Variants in ORAI2 observed in about 807,000 individuals in gnomAD.
The protein encoded by ORAI2 is ORAI calcium release-activated calcium modulator 2.
A neutral mutation model predicts 16.2 loss-of-function variants in ORAI2; 10 were observed. The ratio of observed to expected loss-of-function variants is 0.62; its 90% confidence interval spans 0.38 to 1.04. The LOEUF is 1.04. Ranked by LOEUF, ORAI2 falls within the 50% of genes least tolerant of loss-of-function variation. The pLI is 0.01. For missense variants in ORAI2, 238 were observed against 355.5 expected, an observed-to-expected ratio of 0.67 and a Z score of 2.66; for synonymous variants, 150 against 157.5, an observed-to-expected ratio of 0.95 and a Z score of 0.35.
intron 3 of ORAI2, among the ~76,000 whole-genome samples, chr7:102,444,111 A>G (rs546023705): frequency 6.6e-6 from 1 of 151,866 alleles, no homozygotes; most frequent in South Asian, 2.1e-4. Flanking sequence ...ATATTATTTT[A>G]TTTTATCTTT....
intron 3 of ORAI2, among the ~76,000 whole-genome samples, chr7:102,440,275 C>T (rs1016401981): frequency 2.0e-4 from 30 of 152,098 alleles, no homozygotes; most frequent in South Asian, 4.1e-4. Flanking sequence ...GCGATGCAGA[C>T]GTTCCTGGAA....
chr7:102,441,017 C>T (rs943340773), intron 3 of ORAI2, among the ~76,000 whole-genome samples: 10 of 151,946 alleles, frequency 6.6e-5, no homozygotes, highest in Non-Finnish European at 1.2e-4. Context: ...CTCAGCCTTT[C>T]GAGTAGCTGG....
chr7:102,443,922 G>C (rs1490990766), intron 3 of ORAI2, among the ~76,000 whole-genome samples: 2 of 151,946 alleles, frequency 1.3e-5, no homozygotes, highest in African/African-American at 2.4e-5. Flanking sequence ...GGTCAGGCTG[G>C]TCTCGAACTC....
chr7:102,455,416 C>T lies in ORAI2; in HGVS notation c.*8364C>T, dbSNP rs1262543139. On this transcript the variant is annotated 3_prime_UTR_variant, in exon 4 of 4. Transcript: ENST00000495936. ...CAAACTTAACAGGTAATGGAGTTTC[C>T]TAAAGTGTGCTCTGCAGGAGTGCTG... 1 of 152,188 alleles carries T rather than the reference C, an allele frequency of 6.6e-6. No homozygotes were observed. The highest frequency in any genetic ancestry group is 1.5e-5 in the Non-Finnish European group (1 of 68,050). The allele number at this position is 152,188 out of a possible 1,614,324, so 9.4% of individuals were successfully genotyped here.
intron 1 of ORAI2, 134 bp from the exon 2 acceptor site, chr7:102,436,090 TC>T (rs1797052162): frequency 6.5e-6 from 1 of 154,162 alleles, no homozygotes; most frequent in African/African-American, 2.4e-5. Flanking sequence ...TATACTGCGG[TC>T]ATCAGACCTG....
In ORAI2 at chr7:102,451,028, C is replaced by G. The variant is rs1403784179; in HGVS notation, c.*3976C>G. Reference sequence around the variant, plus strand: ...CCAGCCTGGCCCACATGGTGAAACCCTGTCTCTACTAAAAATACAAAAATT... The same window carrying G: ...CCAGCCTGGCCCACATGGTGAAACCGTGTCTCTACTAAAAATACAAAAATT... On this transcript the variant is annotated 3_prime_UTR_variant, in exon 4 of 4. Transcript: ENST00000495936. 1 of 152,096 alleles carries G rather than the reference C, an allele frequency of 6.6e-6. No individual in the cohort carries two copies. Among genetic ancestry groups the G allele is most frequent in the Non-Finnish European group, 1.5e-5 (1 of 68,042 alleles). The allele number at this position is 152,096 out of a possible 1,614,324, so 9.4% of individuals were successfully genotyped here.
Position 102,439,078 on chromosome 7 carries a change from A to G in ORAI2, c.122A>G (p.Asn41Ser). 1 of 1,613,966 alleles carries G rather than the reference A, an allele frequency of 6.2e-7. No individual in the cohort carries two copies. The highest frequency in any genetic ancestry group is 8.5e-7 in the Non-Finnish European group (1 of 1,180,018). The change falls in exon 3 of 4, where the codon AAC becomes AGC. Residue 41 changes from asparagine to serine, a missense_variant. Transcript: ENST00000495936. ...AGCTACCTGGAACTGGTCACCTCTA[A>G]CCACCACTCGGTACAGGCCCTGTCG... ...RRSYLELVTS[N>S]HHSVQALSWR...
Position 102,446,884 on chromosome 7 carries a change from G to T in ORAI2, c.597G>T (p.Val199=). The T allele has an allele frequency of 6.2e-7, 1 of 1,613,480 alleles. No homozygotes were observed. ...GSHTGWQAAL[V]STIIMVPVGL... is the part of the protein sequence containing the mutation. ...ACACGGGCTGGCAGGCCGCCCTGGT[G>T]TCCACCATCATCATGGTGCCCGTGG... Residue 199 remains valine (V), a synonymous_variant, in exon 4 of 4, where the codon GTG becomes GTT. Coordinates refer to ENST00000495936, the MANE Select transcript of ORAI2 (RefSeq NM_001126340.3).
chr7:102,436,150 GT>G (rs1416658026), intron 1 of ORAI2, 74 bp from the exon 2 acceptor site: 1 of 227,146 alleles, frequency 4.4e-6, no homozygotes, highest in East Asian at 1.8e-4. Context: ...GAAAAATGCA[GT>G]TTCCAAATTA....
In ORAI2 at chr7:102,455,697, G is replaced by A. The variant is rs1797628741; in HGVS notation, c.*8645G>A. ...GCTCCGACCTGACTCACATCTGGAT[G>A]CGCAGTGAGGGGCCCGTTGGGGCCG... On this transcript the variant is annotated 3_prime_UTR_variant, in exon 4 of 4. Transcript: ENST00000495936. 1 of 152,332 alleles carries A rather than the reference G, an allele frequency of 6.6e-6. No homozygotes were observed. Among genetic ancestry groups the A allele is most frequent in the Non-Finnish European group, 1.5e-5 (1 of 68,112 alleles). The allele number at this position is 152,332 out of a possible 1,614,324, so 9.4% of individuals were successfully genotyped here. A position where few individuals can be genotyped will look rare whatever the true frequency, so the allele number is the denominator to read the frequency against.
chr7:102,447,145 G>C lies in ORAI2; in HGVS notation c.*93G>C. The C allele has an allele frequency of 8.1e-6, 11 of 1,365,816 alleles. No homozygotes were observed. The South Asian group carries it at 1.7e-4, about 21-fold the overall frequency. 84.6% of individuals were successfully genotyped at this position (1,365,816 alleles called of 1,614,324 possible). A position where few individuals can be genotyped will look rare whatever the true frequency, so the allele number is the denominator to read the frequency against. ...TGCAGACATTTTGCAAGGCTGCCGG[G>C]TAGTTCAAGACCAAAGTTTTCCTCT... On this transcript the variant is annotated 3_prime_UTR_variant, in exon 4 of 4. Transcript: ENST00000495936.
chr7:102,447,009 A>G lies in ORAI2; in HGVS notation c.722A>G (p.Lys241Arg). 6.3e-7 allele frequency: 1 copy of G among 1,575,190 alleles called. No homozygotes were observed. Among genetic ancestry groups the G allele is most frequent in the Non-Finnish European group, 8.6e-7 (1 of 1,163,722 alleles). Residue 241 changes from lysine (K) to arginine (R), a missense_variant, in exon 4 of 4, where the codon AAG (lysine) becomes AGG (arginine). By Grantham distance (26) the Lys-to-Arg change is conservative. Coordinates refer to ENST00000495936, the MANE Select transcript of ORAI2 (RefSeq NM_001126340.3). ...GAGATCGAGGAGCTCCACAAGCTCA[A>G]GGTCCAGCTGGACGGGCATGAGCGC... ...NREIEELHKL[K>R]VQLDGHERSL...
At chr7:102,435,598 G>A (rs1346275328) in intron 1 of ORAI2, among the ~76,000 whole-genome samples, 6 of 143,830 alleles carry the variant, frequency 4.2e-5, no homozygotes, top group African/African-American at 1.5e-4. Flanking sequence ...GTGCAGTGGT[G>A]TGCTCTTGGC....
Position 102,452,219 on chromosome 7 carries a change from C to T in ORAI2, c.*5167C>T, listed in dbSNP as rs1163264060. ...GATCTTGGCTCACTGCAACCTCCTC[C>T]TCCCAGGTTCAAGCGATCTTGTGCC... is the stretch of plus-strand genomic sequence containing the variant. On this transcript the variant is annotated 3_prime_UTR_variant, in exon 4 of 4. Transcript: ENST00000495936. 2 of 152,194 alleles carry T rather than the reference C, an allele frequency of 1.3e-5. No homozygotes were observed. The highest frequency in any genetic ancestry group is 4.8e-5 in the African/African-American group (2 of 41,436). The allele number at this position is 152,194 out of a possible 1,614,324, so 9.4% of individuals were successfully genotyped here.
Position 102,446,503 on chromosome 7 carries a change from G to C in ORAI2, c.226-10G>C, listed in dbSNP as rs778185713. On this transcript the variant is annotated splice_polypyrimidine_tract_variant and intron_variant, in intron 3 of 3. Coordinates refer to ENST00000495936, the MANE Select transcript of ORAI2 (RefSeq NM_001126340.3). ...CCACACCCAGCACCACTCGTCTGCT[G>C]TCCCCGCAGGTGGCCATGGTGGAGG... is the stretch of plus-strand genomic sequence containing the variant. 56 of 1,600,616 alleles carry C rather than the reference G, an allele frequency of 3.5e-5. No homozygotes were observed. Among genetic ancestry groups the C allele is most frequent in the Non-Finnish European group, 4.7e-5 (55 of 1,174,328 alleles).
chr7:102,438,838 C>T (rs954634502), intron 2 of ORAI2, 106 bp from the exon 3 acceptor site: 27 of 988,790 alleles, frequency 2.7e-5, no homozygotes, highest in South Asian at 5.5e-5. Context: ...TGGGCTCTGG[C>T]GTGGGCTGTA....
rs368278302 is a variant in ORAI2 at position 102,443,089 on chromosome 7, TTTCTTCTTCTTC to T, written c.226-3391_226-3380del. 8.3e-3 allele frequency among the ~76,000 whole-genome samples: 1,038 copies of T among 125,632 alleles called. 13 individuals are homozygous for T. The highest frequency in any genetic ancestry group is 0.021 in the African/African-American group (697 of 33,460). 82.4% of individuals were successfully genotyped at this position (125,632 alleles called of 152,430 possible). On this transcript the variant is annotated intron_variant, in intron 3 of 3. Transcript: ENST00000495936. ...AACACAGTGAAAAATTGCCTTCTCT[TTTCTTCTTCTTC>T]TTCTTCTTCTTCTTCTTCTTCTTCT... is the stretch of plus-strand genomic sequence containing the variant.
At position 102,433,808 on chromosome 7, in the gene ORAI2, C is replaced by G. The variant is rs1162113402; in HGVS notation, c.-123+147C>G. Reference sequence around the variant, plus strand: ...ACTACCCATCCGGGGTTGGTGACCTCCACCCCGCGGGATCCCTGGCGGGGT... The same window carrying G: ...ACTACCCATCCGGGGTTGGTGACCTGCACCCCGCGGGATCCCTGGCGGGGT... On this transcript the variant is annotated intron_variant, in intron 1 of 3. Coordinates refer to ENST00000495936, the MANE Select transcript of ORAI2 (RefSeq NM_001126340.3). The surrounding 1 kb of genome is among the most constrained non-coding windows in gnomAD (Gnocchi z 4.6). The G allele has an allele frequency of 6.6e-6, 1 of 151,912 alleles. No individual in the cohort carries two copies. The allele number at this position is 151,912 out of a possible 1,614,324, so 9.4% of individuals were successfully genotyped here. A position where few individuals can be genotyped will look rare whatever the true frequency, so the allele number is the denominator to read the frequency against.
At chr7:102,446,197 C>A (rs1234103103) in intron 3 of ORAI2, among the ~76,000 whole-genome samples, 1 of 152,272 alleles carries the variant, frequency 6.6e-6, no homozygotes, top group African/African-American at 2.4e-5. Flanking sequence ...GATCCACCAG[C>A]CTTGGCCTCT....
Sources: allele counts gnomAD v4.1 joint callset (sites outside exome capture counted in the v4.1 genomes callset), GRCh38; gene constraint gnomAD v4.1.1; non-coding constraint Gnocchi (gnomAD v3.1); transcripts MANE v1.5; gene names NCBI Gene and HGNC (gene_info 2026-07-23, HGNC 2026-07-21).